The following MRM1 variants were observed in gnomAD, a reference collection of about 807,000 sequenced individuals.
The protein encoded by MRM1 is rRNA methyltransferase 1, mitochondrial.
In MRM1, 24 loss-of-function variants were observed where a neutral mutation model predicts 25.0. The ratio of observed to expected loss-of-function variants is 0.96; its 90% CI spans 0.69 to 1.35. The LOEUF is 1.35. Among genes scored for constraint, MRM1 ranks in the 40% most tolerant of loss-of-function variants. The probability of loss-of-function intolerance (pLI) is 0.00; values close to 1 mark genes in which losing one functional copy is unlikely to be tolerated. For missense variants in MRM1, 431 were observed against 464.1 expected (o/e 0.93, Z 0.65); for synonymous variants, 188 against 199.2 (o/e 0.94, Z 0.47).
At chr17:36,620,690 G>C in the MRM1 span, among the ~76,000 whole-genome samples, 7 of 152,178 alleles carry the variant, frequency 4.6e-5, no homozygotes, top group Non-Finnish European at 1.0e-4. Flanking sequence ...GAGCTCAAAG[G>C]TTCAGCCAGC....
the MRM1 span, among the ~76,000 whole-genome samples, chr17:36,621,205 C>A: frequency 5.3e-5 from 8 of 152,124 alleles, no homozygotes; most frequent in Admixed American, 1.3e-4. Context: ...CCCAAGCCAG[C>A]CACACCCCCA....
In MRM1 at chr17:36,605,009, G is replaced by A. The variant is rs553181337; in HGVS notation, c.636+2363G>A. ...ACAAAAATTACCTGGGCATGGTGGC[G>A]GGCACTTGTAATCCCAGCTGCTCGG... On this transcript the variant is annotated intron_variant, in intron 2 of 4. Transcript: ENST00000614766. Among the ~76,000 whole-genome samples, 5 of 150,916 alleles carry A rather than the reference G, an allele frequency of 3.3e-5. No homozygotes were observed. The South Asian group carries it at 8.4e-4, about 25-fold the overall frequency.
the MRM1 span, among the ~76,000 whole-genome samples, chr17:36,627,551 A>C: frequency 6.6e-6 from 1 of 151,944 alleles, no homozygotes; most frequent in African/African-American, 2.4e-5. Context: ...ACTGGGTTAT[A>C]ATCTTGGCCA....
Position 36,601,775 on chromosome 17 carries a change from A to C in MRM1, c.-36A>C, listed in dbSNP as rs762689419. On this transcript the variant is annotated 5_prime_UTR_variant, in exon 1 of 5. Coordinates refer to ENST00000614766, the MANE Select transcript of MRM1 (RefSeq NM_024864.5). ...CGCGGGTTACCGCTCCCGGGGACGC[A>C]GCAAGGGGCATCGAGTCCCTGGCGG... The C allele has an allele frequency of 1.7e-5, 26 of 1,515,066 alleles. No homozygotes were observed. The South Asian group carries it at 2.6e-4, about 15-fold the overall frequency. 93.9% of individuals were successfully genotyped at this position (1,515,066 alleles called of 1,614,324 possible). A position where few individuals can be genotyped will look rare whatever the true frequency, so the allele number is the denominator to read the frequency against.
At chr17:36,631,325 T>A in the MRM1 span, among the ~76,000 whole-genome samples, 8 of 152,324 alleles carry the variant, frequency 5.3e-5, no homozygotes, top group African/African-American at 1.9e-4. Context: ...GTAAACTACA[T>A]CACACACAGA....
the MRM1 span, among the ~76,000 whole-genome samples, chr17:36,620,139 G>T: frequency 6.6e-6 from 1 of 152,154 alleles, no homozygotes; most frequent in African/African-American, 2.4e-5. Context: ...CTCTCCCATT[G>T]TGTAGGTGGC....
the MRM1 span, among the ~76,000 whole-genome samples, chr17:36,615,507 A>G: frequency 6.6e-6 from 1 of 152,154 alleles, no homozygotes; most frequent in East Asian, 1.9e-4. Context: ...ATAAATACAA[A>G]AATTAGCTGG....
chr17:36,621,372 G>A, the MRM1 span, among the ~76,000 whole-genome samples: 2 of 152,118 alleles, frequency 1.3e-5, no homozygotes, highest in Non-Finnish European at 2.9e-5. Flanking sequence ...CCAGCTCAGG[G>A]CCCCTCTCTT....
the MRM1 span, among the ~76,000 whole-genome samples, chr17:36,614,469 C>G: frequency 6.6e-6 from 1 of 152,196 alleles, no homozygotes; most frequent in African/African-American, 2.4e-5. Context: ...TCCTGGAAAC[C>G]TGGTCAGGGG....
At chr17:36,606,639 C>G (rs1001020058) in intron 2 of MRM1, among the ~76,000 whole-genome samples, 1 of 148,200 alleles carries the variant, frequency 6.7e-6, no homozygotes, top group Non-Finnish European at 1.5e-5. Flanking sequence ...AGTGGAGTCT[C>G]GCTTTGTTGC....
Position 36,608,520 on chromosome 17 carries a change from A to C in MRM1, c.*105A>C. 6.5e-6 allele frequency: 3 copies of C among 461,100 alleles called. No homozygotes were observed. The highest frequency in any genetic ancestry group is 3.4e-6 in the Non-Finnish European group (1 of 294,378). The allele number at this position is 461,100 out of a possible 1,614,324, so 28.6% of individuals were successfully genotyped here. On this transcript the variant is annotated 3_prime_UTR_variant, in exon 5 of 5. Transcript: ENST00000614766. ...CTCTGCCTGAGTGTGCACCAGGCCC[A>C]TGTTTATTGACCACAGTCTGGGGGG... is the stretch of plus-strand genomic sequence containing the variant.
At chr17:36,629,681 T>G in the MRM1 span, among the ~76,000 whole-genome samples, 1 of 52,072 alleles carries the variant, frequency 1.9e-5, no homozygotes, top group East Asian at 6.4e-4. Context: ...AGCGGGGCAG[T>G]GGGAGGAGCA....
Position 36,607,706 on chromosome 17 carries a change from G to A in MRM1, c.673G>A (p.Val225Met). ...AQQGWLVAGT[V>M]GCPSTEDPQS... ...GCAGGGCTGGCTCGTGGCCGGCACG[G>A]TGGGCTGCCCAAGCACAGAGGATCC... The change falls in exon 3 of 5, where the codon GTG becomes ATG. Residue 225 changes from valine (V) to methionine (M), a missense_variant. Val to Met is a conservative substitution (Grantham distance 21). Coordinates refer to ENST00000614766, the MANE Select transcript of MRM1 (RefSeq NM_024864.5). 2 of 1,614,154 alleles carry A rather than the reference G, an allele frequency of 1.2e-6. No homozygotes were observed.
At position 36,602,568 on chromosome 17, in the gene MRM1, A is replaced by C; in HGVS notation, c.558A>C (p.Pro186=). The change falls in exon 2 of 5, where the codon CCA becomes CCC. Residue 186 remains proline (P), a synonymous_variant. Coordinates refer to ENST00000614766, the MANE Select transcript of MRM1 (RefSeq NM_024864.5). This position sits in a 1 kb window ranked among gnomAD's most constrained non-coding sequence, Gnocchi z 4.1. ...TSRRNSCPLT[P]VVSKSSAGAM... ...AACCTTGCAGCTGCCCGCTCACTCC[A>C]GTAGTCAGCAAGTCCAGCGCGGGGG... is the stretch of plus-strand genomic sequence containing the variant. 6.2e-7 allele frequency: 1 copy of C among 1,614,192 alleles called. No homozygotes were observed. The highest frequency in any genetic ancestry group is 8.5e-7 in the Non-Finnish European group (1 of 1,180,042).
chr17:36,615,929 G>C, the MRM1 span, among the ~76,000 whole-genome samples: 1 of 152,046 alleles, frequency 6.6e-6, no homozygotes, highest in African/African-American at 2.4e-5. Context: ...GGAGGCAGAG[G>C]TTGCAGTGAG....
rs370887408 is a variant in MRM1, at chr17:36,606,993, C to T, written c.637-677C>T. ...ACAATGGCGCAATCTCGGTTGACTG[C>T]AGCCTCTGCCTCCCGAGTTCAAGCG... On this transcript the variant is annotated intron_variant, in intron 2 of 4. Transcript: ENST00000614766. 3.1e-3 allele frequency among the ~76,000 whole-genome samples: 474 copies of T among 151,250 alleles called. 3 individuals are homozygous for T. Among genetic ancestry groups the T allele is most frequent in the South Asian group, 0.028 (136 of 4,780 alleles).
chr17:36,608,076 A>T, intron 4 of MRM1, 58 bp downstream of exon 4: 1 of 1,595,020 alleles, frequency 6.3e-7, no homozygotes, highest in Non-Finnish European at 8.6e-7. Flanking sequence ...GTGGGATTTG[A>T]TGCCCTCTAA....
intron 2 of MRM1, among the ~76,000 whole-genome samples, chr17:36,604,163 T>C (rs2074907349): frequency 6.6e-6 from 1 of 152,172 alleles, no homozygotes; most frequent in South Asian, 2.1e-4. Flanking sequence ...CATCCACTTT[T>C]CTCTTACACT....
chr17:36,605,939 A>T (rs578022346), intron 2 of MRM1, among the ~76,000 whole-genome samples: 9 of 152,162 alleles, frequency 5.9e-5, no homozygotes, highest in African/African-American at 2.2e-4. Context: ...TTGAAGTCAT[A>T]CCATGTTACT....
Sources: allele counts gnomAD v4.1 joint callset (sites outside exome capture counted in the v4.1 genomes callset), GRCh38; gene constraint gnomAD v4.1.1; non-coding constraint Gnocchi (gnomAD v3.1); transcripts MANE v1.5; gene names NCBI Gene and HGNC (gene_info 2026-07-23, HGNC 2026-07-21).